FNDC3A: variants seen among roughly 807,000 people sequenced by gnomAD.
FNDC3A encodes fibronectin type-III domain-containing protein 3A.
A neutral mutation model predicts 148.9 loss-of-function variants in FNDC3A; 32 were observed. That is an observed-to-expected ratio of 0.21 (90% CI 0.16 to 0.29). The LOEUF (loss-of-function observed/expected upper bound fraction) is 0.29, where lower values mean the gene tolerates loss of function less well. Ranked by LOEUF, FNDC3A falls within the 10% of genes least tolerant of loss-of-function variation. The pLI is 1.00. For synonymous variants in FNDC3A, 472 were observed against 473.6 expected (o/e 1.00, Z 0.04); for missense variants, 1,191 against 1,452.8 (o/e 0.82, Z 2.93).
At chr13:49,164,433 C>T (rs1298853269) in intron 8 of FNDC3A, among the ~76,000 whole-genome samples, 1 of 152,100 alleles carries the variant, frequency 6.6e-6, no homozygotes. Flanking sequence ...CTTTCTGTGT[C>T]TGGATATCTA....
chr13:49,029,384 G>A (rs534287130), intron 2 of FNDC3A, among the ~76,000 whole-genome samples: 2 of 152,200 alleles, frequency 1.3e-5, no homozygotes, highest in South Asian at 2.1e-4. Context: ...CGAAAACCAT[G>A]ATACAACATA....
chr13:49,161,712 A>C (rs1213888615), intron 8 of FNDC3A, among the ~76,000 whole-genome samples: 1 of 152,144 alleles, frequency 6.6e-6, no homozygotes, highest in East Asian at 1.9e-4. Context: ...GATGATGTTT[A>C]CAATTTGGCA....
intron 3 of FNDC3A, chr13:49,110,355 T>C (rs1238744514): frequency 1.2e-6 from 2 of 1,612,416 alleles, no homozygotes; most frequent in East Asian, 2.2e-5. Flanking sequence ...CTACGCTGTT[T>C]CCTTGTTGGA....
chr13:49,124,060 T>TA (rs1306214746), intron 4 of FNDC3A, among the ~76,000 whole-genome samples: 2 of 152,210 alleles, frequency 1.3e-5, no homozygotes, highest in African/African-American at 4.8e-5. Flanking sequence ...ATTGCAGCAC[T>TA]ATTCACAGTA....
chr13:49,017,425 C>A (rs1469721598), intron 2 of FNDC3A, among the ~76,000 whole-genome samples: 1 of 152,006 alleles, frequency 6.6e-6, no homozygotes, highest in Non-Finnish European at 1.5e-5. Flanking sequence ...GATTGCAACC[C>A]CTGCCTTTTT....
chr13:49,053,040 G>C lies in FNDC3A; in HGVS notation c.100-22249G>C, dbSNP rs551671292. Among the ~76,000 whole-genome samples the C allele has an allele frequency of 2.6e-5, 4 of 152,258 alleles. No homozygotes were observed. The East Asian group carries it at 7.7e-4, about 29-fold the overall frequency. Reference sequence around the variant, plus strand: ...ACAGGCCTCACCCTGCTCCCACTCGGCCGCAGTCCTGAAGGCCAGTCTCAT... The same window carrying C: ...ACAGGCCTCACCCTGCTCCCACTCGCCCGCAGTCCTGAAGGCCAGTCTCAT... On this transcript the variant is annotated intron_variant, in intron 2 of 25. Transcript: ENST00000492622.
At chr13:49,148,343 G>A (rs1883107139) in intron 8 of FNDC3A, among the ~76,000 whole-genome samples, 1 of 150,976 alleles carries the variant, frequency 6.6e-6, no homozygotes, top group Non-Finnish European at 1.5e-5. Flanking sequence ...CATAGTTTCA[G>A]GTCTTAAACA....
chr13:49,162,543 C>G (rs1016696085), intron 8 of FNDC3A, among the ~76,000 whole-genome samples: 27 of 152,082 alleles, frequency 1.8e-4, no homozygotes, highest in Non-Finnish European at 2.9e-5. Context: ...TTCCTTGTGA[C>G]GGGTTCAAAC....
At chr13:49,185,072 G>A in intron 14 of FNDC3A, among the ~76,000 whole-genome samples, 1 of 152,046 alleles carries the variant, frequency 6.6e-6, no homozygotes, top group Non-Finnish European at 1.5e-5. Context: ...GCTTTTTACT[G>A]TGGGGAGAGA....
rs767857297 is a variant in FNDC3A at position 49,145,866 on chromosome 13, C to T, written c.908C>T (p.Pro303Leu). The T allele has an allele frequency of 1.2e-6, 2 of 1,613,136 alleles. No homozygotes were observed. The highest frequency in any genetic ancestry group is 2.2e-5 in the East Asian group (1 of 44,862). The change falls in exon 8 of 26, where the codon CCA (proline) becomes CTA (leucine). Residue 303 changes from proline (P) to leucine (L), a missense_variant. Pro to Leu is a moderately conservative substitution (Grantham distance 98). Coordinates refer to ENST00000492622, the MANE Select transcript of FNDC3A (RefSeq NM_001079673.2). ...INGETDESSV[P>L]ELYGYEVLIS... ...GGTGAAACAGATGAAAGTAGTGTAC[C>T]AGAGCTCTATGGTTATGAAGTTCTG... is the stretch of plus-strand genomic sequence containing the variant.
At chr13:49,144,394 T>G (rs1882875222) in intron 7 of FNDC3A, among the ~76,000 whole-genome samples, 1 of 152,124 alleles carries the variant, frequency 6.6e-6, no homozygotes, top group Non-Finnish European at 1.5e-5. Context: ...TATTCAGACT[T>G]CGAGAACTTT....
chr13:49,136,717 G>T, intron 6 of FNDC3A, 116 bp downstream of exon 6: 1 of 1,012,508 alleles, frequency 9.9e-7, no homozygotes, highest in Non-Finnish European at 1.4e-6. Context: ...ACTGTTACAG[G>T]CTGCTGCTTT....
At chr13:49,147,082 T>G (rs1239741606) in intron 8 of FNDC3A, among the ~76,000 whole-genome samples, 2 of 152,196 alleles carry the variant, frequency 1.3e-5, no homozygotes, top group Admixed American at 1.3e-4. Flanking sequence ...TTATAAAAAT[T>G]TCCTGTTTCC....
At chr13:49,188,693 TCAC>T in intron 17 of FNDC3A, 60 bp downstream of exon 17, 1 of 995,548 alleles carries the variant, frequency 1.0e-6, no homozygotes, top group Non-Finnish European at 1.6e-6. Context: ...TGGGGTAGGA[TCAC>T]CAGGTGCCAC....
intron 2 of FNDC3A, among the ~76,000 whole-genome samples, chr13:49,075,032 G>T (rs1447201375): frequency 2.0e-5 from 3 of 152,128 alleles, no homozygotes. Flanking sequence ...GTTTCAGAGT[G>T]AAGTTTATTG....
intron 1 of FNDC3A, among the ~76,000 whole-genome samples, chr13:49,004,116 A>G (rs1414879536): frequency 6.6e-6 from 1 of 152,166 alleles, no homozygotes; most frequent in African/African-American, 2.4e-5. Flanking sequence ...CATTATAAAA[A>G]TTAAAAATAA....
At chr13:49,106,527 C>G (rs1880182836) in intron 3 of FNDC3A, among the ~76,000 whole-genome samples, 1 of 152,094 alleles carries the variant, frequency 6.6e-6, no homozygotes, top group African/African-American at 2.4e-5. Flanking sequence ...GTTGTCAAGT[C>G]TAGTCTTGAA....
Position 49,032,591 on chromosome 13 carries a change from C to T in FNDC3A, c.99+26302C>T, listed in dbSNP as rs1340068234. On this transcript the variant is annotated intron_variant, in intron 2 of 25. Transcript: ENST00000492622. ...CTCTACTAAAAATACAAAAAATTAGCCGGGTGTGGTGGAGGGCGCCTGTGG... is the reference window on the plus strand; with the variant it reads ...CTCTACTAAAAATACAAAAAATTAGTCGGGTGTGGTGGAGGGCGCCTGTGG... Among the ~76,000 whole-genome samples, 8 of 152,220 alleles carry T rather than the reference C, an allele frequency of 5.3e-5. No homozygotes were observed. The East Asian group carries it at 1.5e-3, about 29-fold the overall frequency.
intron 11 of FNDC3A, among the ~76,000 whole-genome samples, chr13:49,173,851 A>G (rs1447546833): frequency 2.0e-5 from 3 of 152,216 alleles, no homozygotes; most frequent in Non-Finnish European, 4.4e-5. Flanking sequence ...CATTTTAGTT[A>G]CCACTCTAAA....
Sources: gnomAD v4.1 joint callset for allele counts (sites outside exome capture counted in the v4.1 genomes callset) on GRCh38, gnomAD v4.1.1 for gene constraint, MANE v1.5 for transcripts, NCBI Gene and HGNC (gene_info 2026-07-23, HGNC 2026-07-21) for gene names.